The following MED24 variants were observed in gnomAD, a reference collection of about 807,000 sequenced individuals.
The protein encoded by MED24 is mediator complex subunit 24.
MED24 carries 74 observed loss-of-function variants against 118.8 expected under a neutral mutation model. The ratio of observed to expected loss-of-function variants is 0.62; its 90% CI spans 0.52 to 0.76. The LOEUF (loss-of-function observed/expected upper bound fraction) is 0.76. Among genes scored for constraint, MED24 ranks in the 30% least tolerant of loss-of-function variants. The probability of loss-of-function intolerance (pLI) is 0.00; values close to 1 mark genes in which losing one functional copy is unlikely to be tolerated. For missense variants in MED24, 1,041 were observed against 1,278.9 expected (o/e 0.81, Z 2.84); for synonymous variants, 521 against 523.9 (o/e 0.99, Z 0.08).
At chr17:40,040,370 C>T (rs1219393591) in intron 3 of MED24, among the ~76,000 whole-genome samples, 2 of 152,038 alleles carry the variant, frequency 1.3e-5, no homozygotes, top group Non-Finnish European at 2.9e-5. Flanking sequence ...AGCCACTGTG[C>T]CCAGCTGCCT....
chr17:40,038,981 C>T (rs142648771), intron 3 of MED24, among the ~76,000 whole-genome samples: 1,551 of 152,232 alleles, frequency 0.01, 9 homozygotes, highest in Non-Finnish European at 0.015. Context: ...AACGTTCCGG[C>T]GAGCGTTTTG....
rs768130849 is a variant in MED24, at chr17:40,026,751, G to A, written c.1710-5C>T. ...GCCTCATGCCACTTCATCTGCCTGC[G>A]GGTGTGCAGAGAAGTCAGCACAGGG... On this transcript the variant is annotated splice_region_variant and splice_polypyrimidine_tract_variant and intron_variant, in intron 17 of 25. Transcript: ENST00000394128. 3.7e-5 allele frequency: 59 copies of A among 1,611,236 alleles called. No individual in the cohort carries two copies. Among genetic ancestry groups the A allele is most frequent in the African/African-American group, 1.9e-4 (14 of 74,870 alleles).
rs867405708 is a variant in MED24, at chr17:40,019,175, A to C, written c.*354T>G. Reference sequence around the variant, plus strand: ...CCTCACATATTACAAAATACACACAAACACACACACACACACACACACACA... The same window carrying C: ...CCTCACATATTACAAAATACACACACACACACACACACACACACACACACA... On this transcript the variant is annotated 3_prime_UTR_variant, in exon 26 of 26. Transcript: ENST00000394128. 380 of 148,424 alleles carry C rather than the reference A, an allele frequency of 2.6e-3. 2 individuals carry two copies. Among genetic ancestry groups the C allele is most frequent in the South Asian group, 9.0e-3 (47 of 5,242 alleles). 9.2% of individuals were successfully genotyped at this position (148,424 alleles called of 1,614,324 possible).
rs757638208 is a variant in MED24, at chr17:40,023,354, T to A, written c.2027A>T (p.Asp676Val). The change falls in exon 20 of 26, where the codon GAC (aspartate) becomes GTC (valine). Residue 676 changes from aspartate (D) to valine (V), a missense_variant. Physicochemically the swap from Asp to Val is radical, Grantham distance 152. This residue lies in a region of MED24 where 587 missense variants were observed against 694.4 expected (regional missense o/e 0.85). Transcript: ENST00000394128. The part of the protein sequence containing the change: ...MNSILERMCA[D>V]VLQQTATQIK... ...CTGCGTGGCTGTCTGCTGCAGCACG[T>A]CGGCACACATGCGCTCCAGGATCGA... 1 of 1,611,690 alleles carries A rather than the reference T, an allele frequency of 6.2e-7. No individual in the cohort carries two copies. The highest frequency in any genetic ancestry group is 1.7e-4 in the Middle Eastern group (1 of 6,038).
chr17:40,023,301 T>C lies in MED24; in HGVS notation c.2080A>G (p.Thr694Ala). The stretch of plus-strand genomic sequence containing the variant: ...GGCAGCAGGTTCCAGTAGGGCATTG[T>C]GTCCACCCCGGTGGAGGGAAACTTG... The part of the protein sequence containing the change: ...QIKFPSTGVD[T>A]MPYWNLLPPK... The change falls in exon 20 of 26, where the codon ACA becomes GCA. Residue 694 changes from threonine (T) to alanine (A), a missense_variant. By Grantham distance (58) the Thr-to-Ala change is moderately conservative. This residue lies in a region of MED24 where 587 missense variants were observed against 694.4 expected (regional missense o/e 0.85). Transcript: ENST00000394128. 1 of 1,614,102 alleles carries C rather than the reference T, an allele frequency of 6.2e-7. No individual in the cohort carries two copies. Among genetic ancestry groups the C allele is most frequent in the Non-Finnish European group, 8.5e-7 (1 of 1,179,990 alleles).
At chr17:40,029,032 C>G (rs746440487) in intron 13 of MED24, 64 bp from the exon 14 acceptor site, 9 of 1,598,502 alleles carry the variant, frequency 5.6e-6, no homozygotes, top group Admixed American at 3.4e-5. Flanking sequence ...AAGATACAGC[C>G]TAGCCACATT....
Position 40,040,427 on chromosome 17 carries a change from G to A in MED24, c.214-4273C>T, listed in dbSNP as rs540688399. ...GATGGGGTTTTGCCGTGTTGTCAAGGGTGGTCTCAAATTCCTGGTCAAGTG... is the reference window on the plus strand; with the variant it reads ...GATGGGGTTTTGCCGTGTTGTCAAGAGTGGTCTCAAATTCCTGGTCAAGTG... On this transcript the variant is annotated intron_variant, in intron 3 of 25. Transcript: ENST00000394128. Among the ~76,000 whole-genome samples, 6 of 151,872 alleles carry A rather than the reference G, an allele frequency of 4.0e-5. No homozygotes were observed. In the South Asian group the frequency reaches 8.3e-4, roughly 21 times the overall value.
chr17:40,048,923 A>G (rs1985529421), intron 3 of MED24, among the ~76,000 whole-genome samples: 1 of 152,198 alleles, frequency 6.6e-6, no homozygotes, highest in Admixed American at 6.5e-5. Flanking sequence ...ATGGCCCTTC[A>G]GGAGGTCCTG....
At chr17:40,053,252 AC>A in intron 3 of MED24, 45 bp downstream of exon 3, 1 of 1,524,144 alleles carries the variant, frequency 6.6e-7, no homozygotes, top group South Asian at 1.2e-5. Flanking sequence ...CAAGTTTTTT[AC>A]CCCCAGAACT....
At chr17:40,043,890 C>CAAAAAAAAAAAAACAAAAAAAAAA (rs1984831436) in intron 3 of MED24, among the ~76,000 whole-genome samples, 1 of 97,448 alleles carries the variant, frequency 1.0e-5, no homozygotes, top group African/African-American at 3.7e-5. Flanking sequence ...GACTCCATCT[C>CAAAAAAAAAAAAACAAAAAAAAAA]AAAAAAAAAA....
chr17:40,042,834 G>T (rs1404613297), intron 3 of MED24, among the ~76,000 whole-genome samples: 1 of 152,182 alleles, frequency 6.6e-6, no homozygotes. Flanking sequence ...AATAATAAAT[G>T]TGGATCCCAT....
intron 3 of MED24, among the ~76,000 whole-genome samples, chr17:40,045,112 T>C (rs1164795291): frequency 6.6e-6 from 1 of 152,136 alleles, no homozygotes; most frequent in East Asian, 1.9e-4. Flanking sequence ...CAGTGAAACA[T>C]TGATTATAAC....
At position 40,032,096 on chromosome 17, in the gene MED24, G is replaced by C; in HGVS notation, c.937-6C>G. 6.2e-7 allele frequency: 1 copy of C among 1,613,632 alleles called. No homozygotes were observed. Among genetic ancestry groups the C allele is most frequent in the Non-Finnish European group, 8.5e-7 (1 of 1,179,750 alleles). ...TTCACCAAAACCTGTGGAATCTAGG[G>C]GGTGAGGCAGGGGGAAAAACAGGAA... On this transcript the variant is annotated splice_region_variant and splice_polypyrimidine_tract_variant and intron_variant, in intron 9 of 25. Coordinates refer to ENST00000394128, the MANE Select transcript of MED24 (RefSeq NM_014815.4).
At chr17:40,052,259 C>T (rs1277703638) in intron 3 of MED24, among the ~76,000 whole-genome samples, 1 of 152,204 alleles carries the variant, frequency 6.6e-6, no homozygotes, top group Non-Finnish European at 1.5e-5. Flanking sequence ...CGCCACTGCA[C>T]TCCAGCCTGG....
At chr17:40,026,127 G>A (rs778618939) in intron 19 of MED24, 29 bp downstream of exon 19, 6 of 1,599,214 alleles carry the variant, frequency 3.8e-6, no homozygotes, top group South Asian at 1.1e-5. Context: ...ACACTTGAAG[G>A]GTCTGAGAAG....
intron 3 of MED24, among the ~76,000 whole-genome samples, chr17:40,043,764 G>A (rs1304148555): frequency 2.0e-5 from 3 of 151,658 alleles, no homozygotes; most frequent in South Asian, 2.1e-4. Flanking sequence ...AGTGGCGGGC[G>A]CCTGTAATCC....
chr17:40,039,017 G>A (rs530303523), intron 3 of MED24, among the ~76,000 whole-genome samples: 2 of 152,170 alleles, frequency 1.3e-5, no homozygotes, highest in Admixed American at 1.3e-4. Context: ...TGTCCCCATA[G>A]CGAGTGCTTG....
rs11555254 is a variant in MED24 at position 40,019,613 on chromosome 17, G to A, written c.2886C>T (p.Ser962=). ...VSELVKVSAM[S]SPKVVLAITD... ...TGATGGCCAGAACCACCTTGGGGCT[G>A]GACATGGCTGACACCTTCACCAGTT... The change falls in exon 26 of 26, where the codon TCC becomes TCT. Residue 962 remains serine (S), a synonymous_variant. Transcript: ENST00000394128. 0.15 allele frequency: 242,123 copies of A among 1,605,232 alleles called. 19,878 individuals are homozygous for A. Among genetic ancestry groups the A allele is most frequent in the African/African-American group, 0.18 (13,784 of 74,828 alleles).
At position 40,032,038 on chromosome 17, in the gene MED24, C is replaced by T. The variant is rs765572362; in HGVS notation, c.984+5G>A. The T allele has an allele frequency of 4.3e-6, 7 of 1,613,560 alleles. No individual in the cohort carries two copies. The highest frequency in any genetic ancestry group is 5.9e-6 in the Non-Finnish European group (7 of 1,179,766). On this transcript the variant is annotated splice_donor_5th_base_variant and intron_variant, in intron 10 of 25. Coordinates refer to ENST00000394128, the MANE Select transcript of MED24 (RefSeq NM_014815.4). ...CCCATGCCTCCATCTCAATCCCCAA[C>T]TCACCTTGTCTCCATGAGAGTACTT...
Sources: gnomAD v4.1 joint callset for allele counts (sites outside exome capture counted in the v4.1 genomes callset) on GRCh38, gnomAD v4.1.1 for gene constraint, gnomAD v4.1.1 regional missense constraint, MANE v1.5 for transcripts, NCBI Gene and HGNC (gene_info 2026-07-23, HGNC 2026-07-21) for gene names.